Variants in HDLBP observed in about 807,000 individuals in gnomAD.
HDLBP encodes the protein high density lipoprotein binding protein, also known as vigilin.
HDLBP carries 30 observed loss-of-function variants against 137.3 expected under a neutral mutation model. The observed-to-expected ratio is 0.22, with a 90% CI of 0.16 to 0.30. HDLBP has a LOEUF of 0.30. HDLBP is among the 10% of genes least tolerant of loss of function. The pLI, the probability that HDLBP is intolerant of heterozygous loss-of-function variation, is 1.00. For synonymous variants in HDLBP, 606 were observed against 596.0 expected, an observed-to-expected ratio of 1.02 and a Z score of -0.24; for missense variants, 1,119 against 1,667.3, an observed-to-expected ratio of 0.67 and a Z score of 5.73.
In HDLBP at chr2:241,286,880, G is replaced by A. The variant is rs140657098; in HGVS notation, c.-102-18339C>T. Among the ~76,000 whole-genome samples the A allele has an allele frequency of 5.3e-5, 8 of 151,206 alleles. No homozygotes were observed. The East Asian group carries it at 1.6e-3, about 30-fold the overall frequency. ...TGGGAGGATCACCTGAGCCCCAGGG[G>A]TTGAGCAGTGAGCCATGATGGCACC... On this transcript the variant is annotated intron_variant, in intron 1 of 27. Coordinates refer to ENST00000310931, the MANE Select transcript of HDLBP (RefSeq NM_005336.6).
chr2:241,314,712 T>C (rs1436275913), intron 1 of HDLBP, among the ~76,000 whole-genome samples: 1 of 152,246 alleles, frequency 6.6e-6, no homozygotes, highest in Non-Finnish European at 1.5e-5. Flanking sequence ...AGAGGATATG[T>C]AGCAGCTAGC....
At chr2:241,245,566 C>G (rs1277365532) in intron 16 of HDLBP, among the ~76,000 whole-genome samples, 1 of 152,072 alleles carries the variant, frequency 6.6e-6, no homozygotes, top group Non-Finnish European at 1.5e-5. Context: ...TTTGGAAGGC[C>G]AAGGCGAGAG....
intron 17 of HDLBP, among the ~76,000 whole-genome samples, chr2:241,241,819 A>G (rs2149410368): frequency 6.6e-6 from 1 of 152,330 alleles, no homozygotes; most frequent in Admixed American, 6.5e-5. Context: ...AAAGAATCAC[A>G]GACCTAAAAA....
At chr2:241,241,839 A>G (rs2149410577) in intron 17 of HDLBP, among the ~76,000 whole-genome samples, 1 of 152,354 alleles carries the variant, frequency 6.6e-6, no homozygotes, top group Admixed American at 6.5e-5. Flanking sequence ...AAAATGGAGA[A>G]ATGCCTGCAA....
chr2:241,278,736 G>A (rs2074489470), intron 1 of HDLBP, among the ~76,000 whole-genome samples: 1 of 152,210 alleles, frequency 6.6e-6, no homozygotes, highest in African/African-American at 2.4e-5. Context: ...ATATAACTGT[G>A]CTGGAAGAAA....
At chr2:241,303,259 AG>A (rs1213785450) in intron 1 of HDLBP, among the ~76,000 whole-genome samples, 1 of 152,214 alleles carries the variant, frequency 6.6e-6, no homozygotes, top group Non-Finnish European at 1.5e-5. Context: ...CTGCTGGTGC[AG>A]GGTGCCACTC....
At chr2:241,280,091 T>A in intron 1 of HDLBP, 1 of 985,380 alleles carries the variant, frequency 1.0e-6, no homozygotes, top group African/African-American at 1.7e-5. Flanking sequence ...AGGAAGTTAT[T>A]GGCACCATGG....
At chr2:241,285,679 T>C (rs2074779503) in intron 1 of HDLBP, among the ~76,000 whole-genome samples, 1 of 152,130 alleles carries the variant, frequency 6.6e-6, no homozygotes, top group Non-Finnish European at 1.5e-5. Context: ...TGAAGAGAAA[T>C]TTATCTATGG....
At position 241,272,424 on chromosome 2, in the gene HDLBP, G is replaced by C. The variant is rs1274348484; in HGVS notation, c.-102-3883C>G. 1 of 984,486 alleles carries C rather than the reference G, an allele frequency of 1.0e-6. No individual in the cohort carries two copies. Among genetic ancestry groups the C allele is most frequent in the African/African-American group, 1.8e-5 (1 of 57,100 alleles). 61.0% of individuals were successfully genotyped at this position (984,486 alleles called of 1,614,324 possible). A position where few individuals can be genotyped will look rare whatever the true frequency, so the allele number is the denominator to read the frequency against. On this transcript the variant is annotated intron_variant, in intron 1 of 27. Coordinates refer to ENST00000310931, the MANE Select transcript of HDLBP (RefSeq NM_005336.6). The surrounding 1 kb of genome is among the most constrained non-coding windows in gnomAD (Gnocchi z 5.6). ...ACGGCACCAGGGGTGCCCCACCGAA[G>C]CCCCGGGAGGAGGCGGGGGAGCCCA...
At chr2:241,248,994 G>A (rs1168960452) in intron 12 of HDLBP, among the ~76,000 whole-genome samples, 1 of 152,124 alleles carries the variant, frequency 6.6e-6, no homozygotes, top group East Asian at 1.9e-4. Context: ...AGAAGTAAGG[G>A]CTCAGCAATC....
intron 1 of HDLBP, among the ~76,000 whole-genome samples, chr2:241,305,929 T>G (rs930875194): frequency 1.3e-5 from 2 of 151,660 alleles, no homozygotes; most frequent in African/African-American, 4.9e-5. Flanking sequence ...CTCAACTAAT[T>G]TTTTGTATTT....
chr2:241,306,224 T>TAA (rs559366588), intron 1 of HDLBP, among the ~76,000 whole-genome samples: 1 of 145,672 alleles, frequency 6.9e-6, no homozygotes, highest in Non-Finnish European at 1.5e-5. Flanking sequence ...GGCATCTGTT[T>TAA]AAAAAAAAAA....
intron 2 of HDLBP, chr2:241,267,960 T>G (rs1372517220): frequency 2.0e-6 from 2 of 984,964 alleles, no homozygotes; most frequent in Non-Finnish European, 2.4e-6. Flanking sequence ...CATTCAGCAT[T>G]CTGAGGTAGG....
intron 8 of HDLBP, 28 bp from the exon 9 acceptor site, chr2:241,255,186 T>C: frequency 6.3e-7 from 1 of 1,597,078 alleles, no homozygotes; most frequent in Non-Finnish European, 8.6e-7. Flanking sequence ...CAGCCATGGG[T>C]TTGCAGAGCT....
chr2:241,265,521 T>A (rs1226831566), intron 3 of HDLBP, among the ~76,000 whole-genome samples: 1 of 152,260 alleles, frequency 6.6e-6, no homozygotes, highest in Non-Finnish European at 1.5e-5. Flanking sequence ...CTGATTATCA[T>A]CACTTCCATC....
At position 241,271,626 on chromosome 2, in the gene HDLBP, C is replaced by T. The variant is rs73116316; in HGVS notation, c.-102-3085G>A. Reference sequence around the variant, plus strand: ...TACATATTCAAGGGGCAACAGTCTTCGAAGAGAATTATCAGTAATACTCCA... The same window carrying T: ...TACATATTCAAGGGGCAACAGTCTTTGAAGAGAATTATCAGTAATACTCCA... On this transcript the variant is annotated intron_variant, in intron 1 of 27. Coordinates refer to ENST00000310931, the MANE Select transcript of HDLBP (RefSeq NM_005336.6). Among the ~76,000 whole-genome samples the T allele has an allele frequency of 8.7e-3, 1,324 of 152,286 alleles. 21 individuals are homozygous for T. The highest frequency in any genetic ancestry group is 0.03 in the African/African-American group (1,266 of 41,540).
chr2:241,267,401 C>T (rs1018099419), intron 2 of HDLBP, among the ~76,000 whole-genome samples: 9 of 152,110 alleles, frequency 5.9e-5, no homozygotes, highest in African/African-American at 2.2e-4. Flanking sequence ...GGGCAGTCTG[C>T]ATCCATTTCT....
At chr2:241,248,998 A>G (rs1471279295) in intron 12 of HDLBP, among the ~76,000 whole-genome samples, 3 of 152,172 alleles carry the variant, frequency 2.0e-5, no homozygotes, top group Non-Finnish European at 4.4e-5. Flanking sequence ...GTAAGGGCTC[A>G]GCAATCAGGA....
intron 1 of HDLBP, among the ~76,000 whole-genome samples, chr2:241,309,648 T>C (rs1050221664): frequency 1.3e-5 from 2 of 152,254 alleles, no homozygotes; most frequent in Non-Finnish European, 2.9e-5. Flanking sequence ...CCCACAACTC[T>C]GCACAGCCAC....
Sources: gnomAD v4.1 joint callset for allele counts (sites outside exome capture counted in the v4.1 genomes callset) on GRCh38, gnomAD v4.1.1 for gene constraint, Gnocchi (gnomAD v3.1) non-coding constraint, MANE v1.5 for transcripts, NCBI Gene and HGNC (gene_info 2026-07-23, HGNC 2026-07-21) for gene names.